ARHGAP29: variants seen among roughly 807,000 people sequenced by gnomAD.
ARHGAP29 encodes the protein Rho GTPase activating protein 29.
A neutral mutation model predicts 122.6 loss-of-function variants in ARHGAP29; 43 were observed. That is an observed-to-expected ratio of 0.35 (90% CI 0.27 to 0.45). The LOEUF (loss-of-function observed/expected upper bound fraction) is 0.45. Among genes scored for constraint, ARHGAP29 ranks in the 20% least tolerant of loss-of-function variants. The probability of loss-of-function intolerance (pLI) is 1.00; values close to 1 mark genes in which losing one functional copy is unlikely to be tolerated. For synonymous variants in ARHGAP29, 506 were observed against 497.1 expected, an observed-to-expected ratio of 1.02 and a Z score of -0.24; for missense variants, 1,303 against 1,477.2, an observed-to-expected ratio of 0.88 and a Z score of 1.93.
At chr1:94,194,289 A>C (rs1319349694) in intron 12 of ARHGAP29, 1 of 152,214 alleles carries the variant, frequency 6.6e-6, no homozygotes, top group African/African-American at 2.4e-5. Context: ...GGTAACTAGT[A>C]ATCTCAGAAC....
rs1261418962 is a variant in ARHGAP29 at position 94,185,499 on chromosome 1, T to A, written c.1781-18A>T. On this transcript the variant is annotated intron_variant, in intron 16 of 22. Transcript: ENST00000260526. Reference sequence around the variant, plus strand: ...ATTGGGTCCTTGCAAGAGAAATAATTTACAAAAATTGTAAAATGATAGAAA... The same window carrying A: ...ATTGGGTCCTTGCAAGAGAAATAATATACAAAAATTGTAAAATGATAGAAA... The A allele has an allele frequency of 4.4e-6, 7 of 1,575,896 alleles. No individual in the cohort carries two copies. The African/African-American group carries it at 8.2e-5, about 19-fold the overall frequency.
intron 12 of ARHGAP29, 145 bp from the exon 13 acceptor site, chr1:94,190,228 C>T: frequency 1.3e-6 from 1 of 763,606 alleles, no homozygotes; most frequent in Non-Finnish European, 1.9e-6. Context: ...TACTATGATG[C>T]CTGATTTTGC....
chr1:94,230,385 C>G (rs1225486358), intron 2 of ARHGAP29, among the ~76,000 whole-genome samples: 3 of 151,672 alleles, frequency 2.0e-5, no homozygotes, highest in Admixed American at 6.6e-5. Flanking sequence ...TGTATACATT[C>G]TCAAAAGAAT....
chr1:94,179,592 C>CCAA, intron 20 of ARHGAP29, 133 bp downstream of exon 20: 1 of 199,910 alleles, frequency 5.0e-6, no homozygotes, highest in African/African-American at 5.6e-5. Flanking sequence ...GACTCTGTCT[C>CCAA]AAAAAAAAAA....
chr1:94,262,295 A>G (rs1424705092), intron 1 of ARHGAP29, among the ~76,000 whole-genome samples: 2 of 152,342 alleles, frequency 1.3e-5, no homozygotes, highest in South Asian at 2.1e-4. Flanking sequence ...ACTCAAAACT[A>G]TGAAAACCCT....
chr1:94,207,480 G>A (rs1329050069), intron 5 of ARHGAP29, among the ~76,000 whole-genome samples: 1 of 152,110 alleles, frequency 6.6e-6, no homozygotes, highest in Admixed American at 6.6e-5. Context: ...AGTATAATAT[G>A]TATGCACAAT....
intron 1 of ARHGAP29, among the ~76,000 whole-genome samples, chr1:94,271,061 C>T (rs1197752569): frequency 1.3e-5 from 2 of 152,180 alleles, no homozygotes; most frequent in Admixed American, 1.3e-4. Flanking sequence ...GGAGCCATCT[C>T]CAGGCTCAAC....
At chr1:94,292,627 G>T in the ARHGAP29 span, among the ~76,000 whole-genome samples, 1 of 152,190 alleles carries the variant, frequency 6.6e-6, no homozygotes, top group African/African-American at 2.4e-5. Context: ...GTGACCTACG[G>T]ATGAGGTTTT....
In ARHGAP29 at chr1:94,243,902, CTT is replaced by C. The variant is rs376408172; in HGVS notation, c.-32-12261_-32-12260del. On this transcript the variant is annotated intron_variant and NMD_transcript_variant, in intron 1 of 25. Coordinates refer to the ARHGAP29 transcript ENST00000552844. ...GGATACAAGGGAATGTTACAAAAAA[CTT>C]TGCCAATAAACTTAACAACTCAGAT... Among the ~76,000 whole-genome samples, 126 of 80,864 alleles carry C rather than the reference CTT, an allele frequency of 1.6e-3. 1 individual carries two copies. In the Middle Eastern group the frequency reaches 0.019, roughly 12 times the overall value. 53.0% of individuals were successfully genotyped at this position (80,864 alleles called of 152,430 possible).
chr1:94,289,640 G>T, the ARHGAP29 span, among the ~76,000 whole-genome samples: 78 of 152,256 alleles, frequency 5.1e-4, no homozygotes, highest in Admixed American at 9.2e-4. Flanking sequence ...GTCATAAATA[G>T]CTCTTATTAT....
chr1:94,216,679 T>G (rs1651971588), intron 3 of ARHGAP29, among the ~76,000 whole-genome samples: 1 of 152,194 alleles, frequency 6.6e-6, no homozygotes. Flanking sequence ...GTTTACCAAT[T>G]TTTAAATATA....
chr1:94,294,304 AAT>A, the ARHGAP29 span, among the ~76,000 whole-genome samples: 2 of 151,388 alleles, frequency 1.3e-5, no homozygotes, highest in African/African-American at 2.4e-5. Flanking sequence ...TTACAATATA[AAT>A]ATATATATAT....
intron 8 of ARHGAP29, among the ~76,000 whole-genome samples, chr1:94,203,508 G>A (rs558426710): frequency 7.2e-5 from 11 of 152,314 alleles, no homozygotes; most frequent in African/African-American, 2.4e-4. Context: ...GCCAAGGTGG[G>A]TGGATTACTT....
chr1:94,201,058 A>T (rs565924678), intron 12 of ARHGAP29, among the ~76,000 whole-genome samples: 1 of 152,342 alleles, frequency 6.6e-6, no homozygotes, highest in Admixed American at 6.5e-5. Context: ...TTAAAGAGTA[A>T]ATAAAAATAC....
At position 94,178,129 on chromosome 1, in the gene ARHGAP29, T is replaced by C; in HGVS notation, c.2519A>G (p.Lys840Arg). 1 of 1,613,986 alleles carries C rather than the reference T, an allele frequency of 6.2e-7. No individual in the cohort carries two copies. Among genetic ancestry groups the C allele is most frequent in the Non-Finnish European group, 8.5e-7 (1 of 1,179,944 alleles). The change falls in exon 21 of 23, where the codon AAA becomes AGA. Residue 840 changes from lysine (K) to arginine (R), a missense_variant. Around this residue, in one of 3 missense-constraint regions of ARHGAP29, gnomAD observed 620 missense variants for 651.2 expected, o/e 0.95. Transcript: ENST00000260526. ...TGGTCCAAATATCACCCCCAAGTTT[T>C]TGGAGTTCATCTTGTTTTCTTCTGC... ...DHAEENKMNS[K>R]NLGVIFGPSL...
At chr1:94,301,641 C>A in the ARHGAP29 span, among the ~76,000 whole-genome samples, 3 of 152,150 alleles carry the variant, frequency 2.0e-5, no homozygotes, top group Non-Finnish European at 4.4e-5. Context: ...ATAGACAGAG[C>A]TCCTCAAGGA....
At chr1:94,291,742 A>G in the ARHGAP29 span, among the ~76,000 whole-genome samples, 1 of 152,140 alleles carries the variant, frequency 6.6e-6, no homozygotes, top group African/African-American at 2.4e-5. Context: ...AAATTCTGGG[A>G]TGAAAATTCT....
In ARHGAP29 at chr1:94,220,361, T is replaced by C. The variant is rs1458073301; in HGVS notation, c.237A>G (p.Leu79=). Residue 79 remains leucine (L), a synonymous_variant, in exon 3 of 23, where the codon CTA becomes CTG. Transcript: ENST00000260526. ...ACTTTAAAACACGGAGCAGTTCCTC[T>C]AGACGTATATGAATAACTTCTTTAA... ...DCFKEVIHIR[L]EELLRVLKSI... 2.7e-5 allele frequency: 44 copies of C among 1,607,756 alleles called. No homozygotes were observed. The highest frequency in any genetic ancestry group is 3.6e-5 in the Non-Finnish European group (42 of 1,175,470).
the ARHGAP29 span, among the ~76,000 whole-genome samples, chr1:94,313,745 G>T: frequency 6.6e-6 from 1 of 152,210 alleles, no homozygotes; most frequent in Non-Finnish European, 1.5e-5. Context: ...ATCAGTGATA[G>T]ACTGGATTAA....
Sources: allele counts gnomAD v4.1 joint callset (sites outside exome capture counted in the v4.1 genomes callset), GRCh38; gene constraint gnomAD v4.1.1; regional missense constraint gnomAD v4.1.1; transcripts MANE v1.5; gene names NCBI Gene and HGNC (gene_info 2026-07-23, HGNC 2026-07-21).